The following DCAF12L1 variants were observed in gnomAD, a reference collection of about 807,000 sequenced individuals.
DCAF12L1 encodes DDB1 and CUL4 associated factor 12 like 1.
For synonymous variants in DCAF12L1, 218 were observed against 196.4 expected, an observed-to-expected ratio of 1.11 and a Z score of -0.92; for missense variants, 251 against 409.2, an observed-to-expected ratio of 0.61 and a Z score of 3.34.
In DCAF12L1 at chrX:126,552,496, A is replaced by G. The variant is rs1932865401; in HGVS notation, c.113T>C (p.Leu38Pro). The part of the protein sequence containing the change: ...LAAADGEGPL[L>P]LKRQRRPATY... ...CGCCGGCCGCCTCTGCCTCTTGAGT[A>G]GCAGCGGCCCCTCACCGTCCGCTGC... The change falls in exon 1 of 2, where the codon CTA (leucine) becomes CCA (proline). Residue 38 changes from leucine to proline, a missense_variant. Coordinates refer to ENST00000371126, the MANE Select transcript of DCAF12L1 (RefSeq NM_178470.5). 1 of 1,209,987 alleles carries G rather than the reference A, an allele frequency of 8.3e-7. No homozygotes were observed. The highest frequency in any genetic ancestry group is 1.1e-6 in the Non-Finnish European group (1 of 895,260).
rs138224583 is a variant in DCAF12L1, at chrX:126,551,547, C to T, written c.1062G>A (p.Arg354=). 8.3e-7 allele frequency: 1 copy of T among 1,211,293 alleles called. No individual in the cohort carries two copies. Among genetic ancestry groups the T allele is most frequent in the African/African-American group, 1.7e-5 (1 of 57,806 alleles). ...TGATGTGGCGGTAGAAGCTCAGCGA[C>T]CGCACGCCTGTGCCACCCTCTCGAG... ...LCSREGGTGV[R]SLSFYRHIIT... is the part of the protein sequence containing the mutation. Residue 354 remains arginine (R), a synonymous_variant, in exon 1 of 2, where the codon CGG becomes CGA. Transcript: ENST00000371126.
Position 126,552,811 on chromosome X carries a change from G to A in DCAF12L1, c.-203C>T. On this transcript the variant is annotated 5_prime_UTR_variant, in exon 1 of 2. The change creates a new upstream start codon in the 5' untranslated region. Transcript: ENST00000371126. ...AGACCTAGGCGAAGGCGGGAAGTGCGTCTGGCCGGGCAGTGAGAGCAAAGT... is the reference window on the plus strand; with the variant it reads ...AGACCTAGGCGAAGGCGGGAAGTGCATCTGGCCGGGCAGTGAGAGCAAAGT... 3.2e-6 allele frequency: 2 copies of A among 630,344 alleles called. No homozygotes were observed. Among genetic ancestry groups the A allele is most frequent in the Non-Finnish European group, 4.6e-6 (2 of 438,811 alleles). The allele number at this position is 630,344 out of a possible 1,213,427, so 51.9% of individuals were successfully genotyped here. A position where few individuals can be genotyped will look rare whatever the true frequency, so the allele number is the denominator to read the frequency against.
At position 126,551,873 on chromosome X, in the gene DCAF12L1, G is replaced by T; in HGVS notation, c.736C>A (p.Arg246Ser). The change falls in exon 1 of 2, where the codon CGT becomes AGT. Residue 246 changes from arginine (R) to serine (S), a missense_variant. By Grantham distance (110) the Arg-to-Ser change is moderately radical. Coordinates refer to ENST00000371126, the MANE Select transcript of DCAF12L1 (RefSeq NM_178470.5). ...EVGLPVYAHI[R>S]PRDVEAIPRA... ...GGGATGGCCTCCACATCCCTCGGAC[G>T]GATGTGGGCATATACGGGGAGACCC... The T allele has an allele frequency of 2.5e-6, 3 of 1,212,407 alleles. No homozygotes were observed. The highest frequency in any genetic ancestry group is 3.3e-6 in the Non-Finnish European group (3 of 895,676).
At position 126,552,155 on chromosome X, in the gene DCAF12L1, T is replaced by G. The variant is rs752424251; in HGVS notation, c.454A>C (p.Ile152Leu). 19 of 1,211,559 alleles carry G rather than the reference T, an allele frequency of 1.6e-5. No homozygotes were observed. The highest frequency in any genetic ancestry group is 2.2e-5 in the Admixed American group (1 of 46,074). The change falls in exon 1 of 2, where the codon ATC becomes CTC. Residue 152 changes from isoleucine (I) to leucine (L), a missense_variant. By Grantham distance (5) the Ile-to-Leu change is conservative. Coordinates refer to ENST00000371126, the MANE Select transcript of DCAF12L1 (RefSeq NM_178470.5). ...RLAQDQQGCG[I>L]HAIELNPSKT... ...GAGGGATTCAGCTCGATGGCATGGA[T>G]GCCGCAGCCCTGTTGGTCCTGGGCC...
In DCAF12L1 at chrX:126,551,620, G is replaced by C. The variant is rs748184117; in HGVS notation, c.989C>G (p.Ser330Cys). The change falls in exon 1 of 2, where the codon TCT becomes TGT. Residue 330 changes from serine (S) to cysteine (C), a missense_variant. Ser to Cys is a moderately radical substitution (Grantham distance 112). Transcript: ENST00000371126. ...CTGGTCCTGGCGCAGATCCAGGAAAGAGACGTGGGAATGGGAGCCCACGGC... is the reference window on the plus strand; with the variant it reads ...CTGGTCCTGGCGCAGATCCAGGAAACAGACGTGGGAATGGGAGCCCACGGC... The part of the protein sequence containing the change: ...VYAVGSHSHV[S>C]FLDLRQDQQN... 3.9e-5 allele frequency: 47 copies of C among 1,211,729 alleles called. No homozygotes were observed. Among genetic ancestry groups the C allele is most frequent in the Non-Finnish European group, 5.2e-5 (47 of 895,539 alleles).
rs1380181002 is a variant in DCAF12L1, at chrX:126,551,382, G to C, written c.1227C>G (p.Gly409=). 2.5e-6 allele frequency: 3 copies of C among 1,210,167 alleles called. No individual in the cohort carries two copies. The highest frequency in any genetic ancestry group is 3.4e-6 in the Non-Finnish European group (3 of 895,313). The change falls in exon 1 of 2, where the codon GGC becomes GGG. Residue 409 remains glycine (G), a synonymous_variant. Transcript: ENST00000371126. ...CCCAGAAATCATTGTGGTTGAGCCA[G>C]CCTCTGCCACAGGCAAGCCTGAGCT... The part of the protein sequence containing the change: ...RRKLRLACGR[G]WLNHNDFWVN...
rs766393165 is a variant in DCAF12L1 at position 126,551,991 on chromosome X, G to A, written c.618C>T (p.Thr206=). The change falls in exon 1 of 2, where the codon ACC becomes ACT. Residue 206 remains threonine (T), a synonymous_variant. Transcript: ENST00000371126. ...WIFAVAWLSD[T]VAVSGSRDGT... Reference sequence around the variant, plus strand: ...CGTCGCGGGAGCCGCTCACGGCTACGGTGTCACTCAGCCAGGCGACGGCGA... The same window carrying A: ...CGTCGCGGGAGCCGCTCACGGCTACAGTGTCACTCAGCCAGGCGACGGCGA... The A allele has an allele frequency of 8.2e-7, 1 of 1,212,535 alleles. No individual in the cohort carries two copies. The highest frequency in any genetic ancestry group is 1.1e-6 in the Non-Finnish European group (1 of 895,679).
rs768239477 is a variant in DCAF12L1 at position 126,551,425 on chromosome X, G to A, written c.1184C>T (p.Ser395Leu). The A allele has an allele frequency of 4.1e-6, 5 of 1,210,202 alleles. No homozygotes were observed. The highest frequency in any genetic ancestry group is 3.5e-5 in the African/African-American group (2 of 57,232). The stretch of plus-strand genomic sequence containing the variant: ...CCTGAGCTTCCTCCTTGCAGGTCCC[G>A]AAGAGGACTCCAGGGTGGCGGAGGC... ...ERASATLESSSGPARRKLRLA... is the reference protein window; with the variant it reads ...ERASATLESSLGPARRKLRLA... The change falls in exon 1 of 2, where the codon TCG becomes TTG. Residue 395 changes from serine to leucine, a missense_variant. Coordinates refer to ENST00000371126, the MANE Select transcript of DCAF12L1 (RefSeq NM_178470.5).
chrX:126,551,913 G>C lies in DCAF12L1; in HGVS notation c.696C>G (p.Ala232=). Residue 232 remains alanine, a synonymous_variant, in exon 1 of 2, where the codon GCC becomes GCG. Coordinates refer to ENST00000371126, the MANE Select transcript of DCAF12L1 (RefSeq NM_178470.5). ...MDPDKFDDTV[A]WHSEVGLPVY... ...CGGGGAGACCCACCTCGCTATGCCA[G>C]GCAACAGTGTCATCGAACTTGTCCG... 1 of 1,212,355 alleles carries C rather than the reference G, an allele frequency of 8.2e-7. No homozygotes were observed. The highest frequency in any genetic ancestry group is 1.1e-6 in the Non-Finnish European group (1 of 895,638).
At position 126,552,090 on chromosome X, in the gene DCAF12L1, G is replaced by A. The variant is rs746326807; in HGVS notation, c.519C>T (p.Ser173=). The change falls in exon 1 of 2, where the codon AGC becomes AGT. Residue 173 remains serine, a synonymous_variant. Transcript: ENST00000371126. Reference sequence around the variant, plus strand: ...GGGAGGGCAGCTGGTAGATGGCCAGGCTGTTGGGGTTTTCGCCGCCGGTGG... The same window carrying A: ...GGGAGGGCAGCTGGTAGATGGCCAGACTGTTGGGGTTTTCGCCGCCGGTGG... ...LLATGGENPN[S]LAIYQLPSLD... is the part of the protein sequence containing the mutation. 1 of 1,211,368 alleles carries A rather than the reference G, an allele frequency of 8.3e-7. No homozygotes were observed. Among genetic ancestry groups the A allele is most frequent in the African/African-American group, 1.7e-5 (1 of 57,669 alleles).
rs1397736123 is a variant in DCAF12L1, at chrX:126,551,733, C to A, written c.876G>T (p.Gly292=). The change falls in exon 1 of 2, where the codon GGG becomes GGT. Residue 292 remains glycine, a synonymous_variant. Coordinates refer to ENST00000371126, the MANE Select transcript of DCAF12L1 (RefSeq NM_178470.5). The stretch of plus-strand genomic sequence containing the variant: ...TGGACAGCAGCCTGGATAGTGCGCT[C>A]CCGGCTTTCCACAGGTGGAAGTAGC... The part of the protein sequence containing the change: ...LDGYFHLWKA[G]SALSRLLSIR... The A allele has an allele frequency of 5.8e-6, 7 of 1,210,849 alleles. No homozygotes were observed. The highest frequency in any genetic ancestry group is 6.7e-6 in the Non-Finnish European group (6 of 895,378).
In DCAF12L1 at chrX:126,551,431, G is replaced by A. The variant is rs776331462; in HGVS notation, c.1178C>T (p.Ser393Phe). Residue 393 changes from serine to phenylalanine, a missense_variant, in exon 1 of 2, where the codon TCC becomes TTC. Physicochemically the swap from Ser to Phe is radical, Grantham distance 155. Coordinates refer to ENST00000371126, the MANE Select transcript of DCAF12L1 (RefSeq NM_178470.5). ...LEERASATLE[S>F]SSGPARRKLR... ...CTTCCTCCTTGCAGGTCCCGAAGAG[G>A]ACTCCAGGGTGGCGGAGGCTCTTTC... 10 of 1,210,323 alleles carry A rather than the reference G, an allele frequency of 8.3e-6. No homozygotes were observed. In the Admixed American group the frequency reaches 1.5e-4, roughly 18 times the overall value.
Position 126,550,980 on chromosome X carries a change from T to C in DCAF12L1, c.*150A>G. 2.9e-6 allele frequency: 1 copy of C among 344,598 alleles called. No individual in the cohort carries two copies. The highest frequency in any genetic ancestry group is 5.0e-6 in the Non-Finnish European group (1 of 201,693). 28.4% of individuals were successfully genotyped at this position (344,598 alleles called of 1,213,427 possible). ...AAGATTAACGATTAACCAAATTTCT[T>C]TGTATGAAAATTCCAAAAGATGGTG... On this transcript the variant is annotated 3_prime_UTR_variant, in exon 2 of 2. Coordinates refer to ENST00000371126, the MANE Select transcript of DCAF12L1 (RefSeq NM_178470.5).
At position 126,550,960 on chromosome X, in the gene DCAF12L1, T is replaced by G. The variant is rs1602583497; in HGVS notation, c.*170A>C. On this transcript the variant is annotated 3_prime_UTR_variant, in exon 2 of 2. Transcript: ENST00000371126. The stretch of plus-strand genomic sequence containing the variant: ...TCAAAGAGAGAATGCAACTAAAGAT[T>G]AACGATTAACCAAATTTCTTTGTAT... 3.0e-6 allele frequency: 1 copy of G among 333,025 alleles called. No individual in the cohort carries two copies. Among genetic ancestry groups the G allele is most frequent in the East Asian group, 4.6e-5 (1 of 21,975 alleles). The allele number at this position is 333,025 out of a possible 1,213,427, so 27.4% of individuals were successfully genotyped here. A position where few individuals can be genotyped will look rare whatever the true frequency, so the allele number is the denominator to read the frequency against.
In DCAF12L1 at chrX:126,551,355, C is replaced by T. The variant is rs959479670; in HGVS notation, c.1254G>A (p.Val418=). 13 of 1,211,591 alleles carry T rather than the reference C, an allele frequency of 1.1e-5. No individual in the cohort carries two copies. Among genetic ancestry groups the T allele is most frequent in the Non-Finnish European group, 1.5e-5 (13 of 895,515 alleles). The change falls in exon 1 of 2, where the codon GTG becomes GTA. Residue 418 remains valine, a synonymous_variant. Transcript: ENST00000371126. ...ACACTTCCATGCCACCAAAGTAATT[C>T]ACCCAGAAATCATTGTGGTTGAGCC... ...RGWLNHNDFW[V]NYFGGMEVFP...
At position 126,549,432 on chromosome X, in the gene DCAF12L1, C is replaced by G. The variant is rs1927427635; in HGVS notation, c.*1698G>C. On this transcript the variant is annotated 3_prime_UTR_variant, in exon 2 of 2. Coordinates refer to ENST00000371126, the MANE Select transcript of DCAF12L1 (RefSeq NM_178470.5). ...ATTTATTGACTTAAAACTTTAAACT[C>G]TAGGTCTCCAGAGGCATTCAACCAG... 9.0e-6 allele frequency: 1 copy of G among 111,595 alleles called. No homozygotes were observed. Among genetic ancestry groups the G allele is most frequent in the African/African-American group, 3.3e-5 (1 of 30,723 alleles). 9.2% of individuals were successfully genotyped at this position (111,595 alleles called of 1,213,427 possible).
rs1258722410 is a variant in DCAF12L1, at chrX:126,552,488, T to C, written c.121A>G (p.Arg41Gly). The C allele has an allele frequency of 2.5e-6, 3 of 1,208,835 alleles. No homozygotes were observed. The highest frequency in any genetic ancestry group is 3.4e-6 in the Non-Finnish European group (3 of 895,042). Residue 41 changes from arginine to glycine, a missense_variant, in exon 1 of 2, where the codon AGG becomes GGG. Transcript: ENST00000371126. ...CGATACGTCGCCGGCCGCCTCTGCC[T>C]CTTGAGTAGCAGCGGCCCCTCACCG... Reference protein sequence around the residue: ...ADGEGPLLLKRQRRPATYRSM... With the variant: ...ADGEGPLLLKGQRRPATYRSM...
Position 126,551,407 on chromosome X carries a change from T to G in DCAF12L1, c.1202A>C (p.Lys401Thr), listed in dbSNP as rs1927457365. ...LESSSGPARR[K>T]LRLACGRGWL... ...GCCTCTGCCACAGGCAAGCCTGAGC[T>G]TCCTCCTTGCAGGTCCCGAAGAGGA... Residue 401 changes from lysine (K) to threonine (T), a missense_variant, in exon 1 of 2, where the codon AAG becomes ACG. By Grantham distance (78) the Lys-to-Thr change is moderately conservative. Coordinates refer to ENST00000371126, the MANE Select transcript of DCAF12L1 (RefSeq NM_178470.5). 4.1e-6 allele frequency: 5 copies of G among 1,212,002 alleles called. No individual in the cohort carries two copies. Among genetic ancestry groups the G allele is most frequent in the Non-Finnish European group, 5.6e-6 (5 of 895,573 alleles).
chrX:126,552,372 C>A lies in DCAF12L1; in HGVS notation c.237G>T (p.Ala79=), dbSNP rs150927042. 11 of 1,211,606 alleles carry A rather than the reference C, an allele frequency of 9.1e-6. No homozygotes were observed. In the East Asian group the frequency reaches 3.3e-4, roughly 36 times the overall value. The change falls in exon 1 of 2, where the codon GCG becomes GCT. Residue 79 remains alanine (A), a synonymous_variant. Coordinates refer to ENST00000371126, the MANE Select transcript of DCAF12L1 (RefSeq NM_178470.5). ...TCAGCAGCTCGGGCAGCCTCTGTAC[C>A]GCGTAGCCCCGCAGCTCGCCATCGA... is the stretch of plus-strand genomic sequence containing the variant. The part of the protein sequence containing the change: ...QGFDGELRGY[A]VQRLPELLTE...
Sources: allele counts gnomAD v4.1 joint callset, GRCh38; gene constraint gnomAD v4.1.1; transcripts MANE v1.5; gene names NCBI Gene and HGNC (gene_info 2026-07-23, HGNC 2026-07-21).